The following ABCA13 variants were observed in gnomAD, a reference collection of about 807,000 sequenced individuals.
ABCA13 encodes the protein ATP binding cassette subfamily A member 13.
Under a neutral mutation model 478.7 loss-of-function variants are expected in ABCA13, and 476 were observed. The ratio of observed to expected loss-of-function variants is 0.99; its 90% CI spans 0.92 to 1.07. ABCA13 has a LOEUF of 1.07. ABCA13 is among the 50% of genes least tolerant of loss of function. ABCA13 has a pLI of 0.00. For missense variants in ABCA13, 6,060 were observed against 5,910.6 expected (o/e 1.03, Z -0.83); for synonymous variants, 2,252 against 2,158.9 (o/e 1.04, Z -1.20).
At chr7:48,233,049 T>C (rs1312060167) in intron 7 of ABCA13, among the ~76,000 whole-genome samples, 7 of 152,248 alleles carry the variant, frequency 4.6e-5, no homozygotes, top group Admixed American at 4.6e-4. Flanking sequence ...TTTCCTCCCA[T>C]GATGCCATGT....
chr7:48,225,947 G>A (rs75361658), intron 5 of ABCA13, among the ~76,000 whole-genome samples: 1 of 152,094 alleles, frequency 6.6e-6, no homozygotes, highest in African/African-American at 2.4e-5. Context: ...AGAGAGTTGA[G>A]TGGGTATTCA....
At chr7:48,316,399 A>G (rs1802588639) in intron 26 of ABCA13, among the ~76,000 whole-genome samples, 2 of 152,154 alleles carry the variant, frequency 1.3e-5, no homozygotes, top group South Asian at 2.1e-4. Flanking sequence ...TTGAATTGTC[A>G]TTTTCATTTT....
rs941589910 is a variant in ABCA13, at chr7:48,468,623, G to A, written c.12905+1578G>A. ...GAGCAAAAAGTTTTACTTAAAACCT[G>A]TAGATTTCCTTCTGTAAGTGTAAAA... On this transcript the variant is annotated intron_variant, in intron 44 of 61. Transcript: ENST00000435803. Among the ~76,000 whole-genome samples the A allele has an allele frequency of 3.3e-5, 5 of 152,310 alleles. No individual in the cohort carries two copies. The South Asian group carries it at 6.2e-4, about 19-fold the overall frequency.
intron 58 of ABCA13, among the ~76,000 whole-genome samples, chr7:48,596,208 G>T (rs1324246838): frequency 6.6e-6 from 1 of 152,184 alleles, no homozygotes; most frequent in African/African-American, 2.4e-5. Context: ...ATTGCTTCAT[G>T]TCAAAGTAGA....
intron 27 of ABCA13, among the ~76,000 whole-genome samples, chr7:48,331,724 C>G (rs973560039): frequency 6.6e-6 from 1 of 152,174 alleles, no homozygotes; most frequent in Non-Finnish European, 1.5e-5. Flanking sequence ...ATACAGTTCA[C>G]TTGTCTTCCA....
rs940916959 is a variant in ABCA13 at position 48,172,699 on chromosome 7, G to A, written c.69+1147G>A. On this transcript the variant is annotated intron_variant, in intron 1 of 61. Transcript: ENST00000435803. ...TGTAGTCCCAGCTACGCGGGAGGCT[G>A]AGGCAGGAGAATGGCGTGAACCCGG... 3.3e-5 allele frequency among the ~76,000 whole-genome samples: 5 copies of A among 149,492 alleles called. No homozygotes were observed. In the East Asian group the frequency reaches 9.9e-4, roughly 30 times the overall value.
intron 15 of ABCA13, among the ~76,000 whole-genome samples, chr7:48,255,304 G>A (rs1793212789): frequency 6.6e-6 from 1 of 152,134 alleles, no homozygotes; most frequent in Non-Finnish European, 1.5e-5. Context: ...CAACAGATTA[G>A]CCATGTGATT....
chr7:48,286,568 G>A (rs1210104426), intron 19 of ABCA13, among the ~76,000 whole-genome samples: 3 of 151,716 alleles, frequency 2.0e-5, no homozygotes, highest in Non-Finnish European at 2.9e-5. Context: ...GCAGTGGTGC[G>A]ACCTCAGCTC....
intron 1 of ABCA13, among the ~76,000 whole-genome samples, chr7:48,179,013 AATAATAAT>A (rs1795279389): frequency 1.3e-5 from 2 of 148,640 alleles, no homozygotes; most frequent in Non-Finnish European, 3.0e-5. Context: ...TAATAATAAT[AATAATAAT>A]AAAAACAAAG....
intron 58 of ABCA13, among the ~76,000 whole-genome samples, chr7:48,611,275 T>G (rs989123435): frequency 1.3e-5 from 2 of 152,216 alleles, no homozygotes; most frequent in African/African-American, 4.8e-5. Context: ...TCACAGCAAT[T>G]TAACAAGCCT....
chr7:48,528,397 AG>A, intron 55 of ABCA13, 52 bp downstream of exon 55: 1 of 1,257,294 alleles, frequency 8.0e-7, no homozygotes, highest in South Asian at 1.9e-5. Context: ...ATAAGCCCAG[AG>A]AACCCCCAGC....
Position 48,635,142 on chromosome 7 carries a change from A to C in ABCA13, c.14838-8146A>C, listed in dbSNP as rs548540458. On this transcript the variant is annotated intron_variant, in intron 59 of 61. Transcript: ENST00000435803. ...AGCCTGTATCTCCGATGAATCTATC[A>C]ATCTCCCAATTGCCTTTCACCACAG... is the stretch of plus-strand genomic sequence containing the variant. Among the ~76,000 whole-genome samples, 6 of 151,548 alleles carry C rather than the reference A, an allele frequency of 4.0e-5. No homozygotes were observed. In the East Asian group the frequency reaches 9.7e-4, roughly 25 times the overall value.
At chr7:48,573,017 A>C (rs1787825861) in intron 55 of ABCA13, among the ~76,000 whole-genome samples, 1 of 152,060 alleles carries the variant, frequency 6.6e-6, no homozygotes, top group African/African-American at 2.4e-5. Flanking sequence ...AATTTGGTGC[A>C]TAATATACTA....
intron 31 of ABCA13, among the ~76,000 whole-genome samples, chr7:48,366,499 G>C (rs1376051815): frequency 6.6e-6 from 1 of 152,102 alleles, no homozygotes; most frequent in Non-Finnish European, 1.5e-5. Context: ...TGGGTAGTCT[G>C]TGAAGAAGAG....
At chr7:48,412,046 C>T (rs962719188) in intron 40 of ABCA13, among the ~76,000 whole-genome samples, 10 of 152,142 alleles carry the variant, frequency 6.6e-5, no homozygotes, top group African/African-American at 1.2e-4. Context: ...TCCCAGTGGA[C>T]GGGGGGCACT....
chr7:48,187,426 T>A (rs1796518373), intron 1 of ABCA13, among the ~76,000 whole-genome samples: 1 of 151,942 alleles, frequency 6.6e-6, no homozygotes, highest in South Asian at 2.1e-4. Context: ...TCTTCTCTAT[T>A]TCAGGGAAAT....
At chr7:48,340,879 T>C (rs558941617) in intron 29 of ABCA13, among the ~76,000 whole-genome samples, 1 of 152,346 alleles carries the variant, frequency 6.6e-6, no homozygotes, top group East Asian at 1.9e-4. Context: ...TTTCACTCCA[T>C]AGTATGAATT....
chr7:48,271,483 G>C (rs1405665249), intron 16 of ABCA13, among the ~76,000 whole-genome samples: 2 of 152,040 alleles, frequency 1.3e-5, no homozygotes, highest in Non-Finnish European at 2.9e-5. Context: ...GATTCTTCTG[G>C]CATAAATAGC....
chr7:48,410,595 A>C lies in ABCA13; in HGVS notation c.12146A>C (p.His4049Pro). Residue 4049 changes from histidine to proline, a missense_variant, in exon 40 of 62, where the codon CAT becomes CCT. Physicochemically the swap from His to Pro is moderately conservative, Grantham distance 77. Around this residue, in one of 3 missense-constraint regions of ABCA13, gnomAD observed 1,627 missense variants for 1,571.0 expected, o/e 1.04. Transcript: ENST00000435803. Reference protein sequence around the residue: ...ALSDRVAVLQHGRLRCCGPPF... With the variant: ...ALSDRVAVLQPGRLRCCGPPF... ...AGTGACCGCGTGGCCGTCCTCCAGC[A>C]TGGGAGGCTCAGGTGCTGCGGTCCT... 2 of 1,614,040 alleles carry C rather than the reference A, an allele frequency of 1.2e-6. No individual in the cohort carries two copies. The highest frequency in any genetic ancestry group is 1.7e-6 in the Non-Finnish European group (2 of 1,179,880).
Sources: allele counts gnomAD v4.1 joint callset (sites outside exome capture counted in the v4.1 genomes callset), GRCh38; gene constraint gnomAD v4.1.1; regional missense constraint gnomAD v4.1.1; transcripts MANE v1.5; gene names NCBI Gene and HGNC (gene_info 2026-07-23, HGNC 2026-07-21).